The following CTNNA3 variants were observed in gnomAD, a reference collection of about 807,000 sequenced individuals.
CTNNA3 encodes catenin alpha-3.
A neutral mutation model predicts 95.7 loss-of-function variants in CTNNA3; 76 were observed. The ratio of observed to expected loss-of-function variants is 0.79; its 90% CI spans 0.66 to 0.96. CTNNA3 has a LOEUF of 0.96. CTNNA3 is among the 40% of genes least tolerant of loss of function. CTNNA3 has a pLI of 0.00. For synonymous variants in CTNNA3, 431 were observed against 374.4 expected, an observed-to-expected ratio of 1.15 and a Z score of -1.74; for missense variants, 1,191 against 1,089.8, an observed-to-expected ratio of 1.09 and a Z score of -1.31.
chr10:67,676,451 A>T (rs1229955919), intron 1 of CTNNA3, among the ~76,000 whole-genome samples: 1 of 152,208 alleles, frequency 6.6e-6, no homozygotes, highest in East Asian at 1.9e-4. Context: ...AGTTTTGGGT[A>T]AAAATGAGGT....
chr10:66,100,562 G>A (rs10430506), intron 14 of CTNNA3, among the ~76,000 whole-genome samples: 25,504 of 152,094 alleles, frequency 0.17, 2,513 homozygotes, highest in South Asian at 0.35. Flanking sequence ...GAACTGGATT[G>A]TCTGAGAACT....
At chr10:66,755,963 G>T (rs1232186967) in intron 9 of CTNNA3, among the ~76,000 whole-genome samples, 1 of 152,096 alleles carries the variant, frequency 6.6e-6, no homozygotes, top group East Asian at 1.9e-4. Flanking sequence ...TAAATGCTAG[G>T]ATTCAAAGAG....
At chr10:67,546,716 A>G (rs1840854101) in intron 3 of CTNNA3, among the ~76,000 whole-genome samples, 1 of 152,208 alleles carries the variant, frequency 6.6e-6, no homozygotes, top group Admixed American at 6.5e-5. Context: ...CCACCCACCA[A>G]TAAACACTTT....
intron 15 of CTNNA3, among the ~76,000 whole-genome samples, chr10:65,997,560 GAGAA>G (rs1356436731): frequency 6.6e-6 from 1 of 152,122 alleles, no homozygotes; most frequent in Admixed American, 6.5e-5. Context: ...TTAAGCATGA[GAGAA>G]AGAAAGAAAT....
chr10:66,539,550 CT>C (rs1285577265), intron 10 of CTNNA3, among the ~76,000 whole-genome samples: 3 of 151,974 alleles, frequency 2.0e-5, no homozygotes, highest in Non-Finnish European at 4.4e-5. Context: ...TTGGCATTCC[CT>C]TGTTTATATG....
Position 66,733,300 on chromosome 10 carries a change from TG to T in CTNNA3, c.1281+32963del, listed in dbSNP as rs141008687. Among the ~76,000 whole-genome samples the T allele has an allele frequency of 4.1e-3, 618 of 152,224 alleles. 4 individuals carry two copies. The highest frequency in any genetic ancestry group is 0.015 in the African/African-American group (605 of 41,576). ...GTAGAAAAAAAAGTTGTAATTATAT[TG>T]TTTTTTAAATTTGTGCTAAGTTTTA... is the stretch of plus-strand genomic sequence containing the variant. On this transcript the variant is annotated intron_variant, in intron 9 of 17. Coordinates refer to ENST00000433211, the MANE Select transcript of CTNNA3 (RefSeq NM_013266.4).
At chr10:66,404,548 T>C (rs1462617008) in intron 11 of CTNNA3, among the ~76,000 whole-genome samples, 2 of 152,168 alleles carry the variant, frequency 1.3e-5, no homozygotes, top group Non-Finnish European at 2.9e-5. Flanking sequence ...GAGCTTAAAG[T>C]CCTTTAAGAG....
intron 17 of CTNNA3, among the ~76,000 whole-genome samples, chr10:65,955,827 A>G (rs2077717508): frequency 6.6e-6 from 1 of 152,190 alleles, no homozygotes; most frequent in South Asian, 2.1e-4. Context: ...AATGTTCATC[A>G]GGGATATTGG....
chr10:67,040,292 C>G (rs973892786), intron 7 of CTNNA3, among the ~76,000 whole-genome samples: 1 of 152,028 alleles, frequency 6.6e-6, no homozygotes, highest in Non-Finnish European at 1.5e-5. Flanking sequence ...TGTGAAAGTC[C>G]TCAGGCATTT....
chr10:67,223,039 T>C (rs959286823), intron 5 of CTNNA3, among the ~76,000 whole-genome samples: 1 of 152,208 alleles, frequency 6.6e-6, no homozygotes, highest in Non-Finnish European at 1.5e-5. Flanking sequence ...CCAAGGCAAT[T>C]ACAGAATCCA....
At chr10:66,870,923 A>C (rs1844376809) in intron 7 of CTNNA3, among the ~76,000 whole-genome samples, 1 of 152,198 alleles carries the variant, frequency 6.6e-6, no homozygotes, top group Admixed American at 6.5e-5. Context: ...CACAGAGCTA[A>C]AAAACCACTA....
intron 15 of CTNNA3, among the ~76,000 whole-genome samples, chr10:66,020,126 C>T (rs994650176): frequency 2.6e-5 from 4 of 152,136 alleles, no homozygotes; most frequent in South Asian, 2.1e-4. Flanking sequence ...TCAATTGTGT[C>T]AATAAAAATG....
At chr10:67,710,921 C>T (rs924365057) in intron 1 of CTNNA3, among the ~76,000 whole-genome samples, 3 of 152,136 alleles carry the variant, frequency 2.0e-5, no homozygotes, top group Admixed American at 1.3e-4. Context: ...TGAATTCCCA[C>T]GTGTTGTGGG....
chr10:67,697,930 C>A (rs1446903022), upstream of CTNNA3, among the ~76,000 whole-genome samples: 1 of 152,120 alleles, frequency 6.6e-6, no homozygotes, highest in Non-Finnish European at 1.5e-5. Flanking sequence ...ACATATATCA[C>A]CTATGTCAAA....
At chr10:67,462,118 G>T (rs1044769852) in intron 5 of CTNNA3, among the ~76,000 whole-genome samples, 2 of 152,174 alleles carry the variant, frequency 1.3e-5, no homozygotes, top group African/African-American at 4.8e-5. Flanking sequence ...TCAGTTTCAT[G>T]ATATCCCTTC....
chr10:66,559,936 A>G (rs1050858984), intron 10 of CTNNA3, among the ~76,000 whole-genome samples: 1 of 152,054 alleles, frequency 6.6e-6, no homozygotes, highest in African/African-American at 2.4e-5. Context: ...ATCATAATCT[A>G]TTTCTGTTCA....
intron 9 of CTNNA3, among the ~76,000 whole-genome samples, chr10:66,640,335 G>T (rs1168541422): frequency 6.6e-6 from 1 of 152,082 alleles, no homozygotes; most frequent in Non-Finnish European, 1.5e-5. Context: ...CTTCCCCAAG[G>T]CAATGTCTCT....
chr10:66,481,776 T>C (rs1839545026), intron 11 of CTNNA3, among the ~76,000 whole-genome samples: 1 of 152,106 alleles, frequency 6.6e-6, no homozygotes, highest in African/African-American at 2.4e-5. Context: ...GTTTCTTGCA[T>C]TAAAATATCA....
intron 5 of CTNNA3, among the ~76,000 whole-genome samples, chr10:67,257,559 T>A (rs1169771152): frequency 2.0e-5 from 3 of 152,206 alleles, no homozygotes; most frequent in African/African-American, 7.2e-5. Flanking sequence ...AATGTTCTAC[T>A]TAGTGAGATT....
Sources: gnomAD v4.1 joint callset for allele counts (sites outside exome capture counted in the v4.1 genomes callset) on GRCh38, gnomAD v4.1.1 for gene constraint, MANE v1.5 for transcripts, NCBI Gene and HGNC (gene_info 2026-07-23, HGNC 2026-07-21) for gene names.